COL27A1: variants seen among roughly 807,000 people sequenced by gnomAD.
COL27A1 encodes collagen alpha-1(XXVII) chain.
COL27A1 carries 106 observed loss-of-function variants against 251.3 expected under a neutral mutation model. The observed-to-expected ratio is 0.42, with a 90% CI of 0.36 to 0.50. The LOEUF is 0.50. Ranked by LOEUF, COL27A1 falls within the 20% of genes least tolerant of loss-of-function variation. COL27A1 has a pLI of 0.00. For synonymous variants in COL27A1, 1,000 were observed against 986.3 expected (o/e 1.01, Z -0.26); for missense variants, 2,325 against 2,522.8 (o/e 0.92, Z 1.68).
chr9:114,156,542 C>T (rs1848132887), intron 1 of COL27A1, among the ~76,000 whole-genome samples: 1 of 152,006 alleles, frequency 6.6e-6, no homozygotes, highest in African/African-American at 2.4e-5. Flanking sequence ...TGGAAATCTC[C>T]GCGTGTTTGT....
intron 1 of COL27A1, among the ~76,000 whole-genome samples, chr9:114,157,100 ACACAT>A (rs1848173577): frequency 1.5e-5 from 2 of 134,348 alleles, no homozygotes; most frequent in African/African-American, 2.7e-5. Context: ...ACACACACAC[ACACAT>A]ACGCGCGCGC....
At chr9:114,204,716 A>C (rs1161764741) in intron 7 of COL27A1, among the ~76,000 whole-genome samples, 1 of 152,066 alleles carries the variant, frequency 6.6e-6, no homozygotes, top group African/African-American at 2.4e-5. Flanking sequence ...CTCAAGTCCT[A>C]CTCAGTTTAC....
chr9:114,165,367 TCATC>T (rs985438047), intron 2 of COL27A1, among the ~76,000 whole-genome samples: 3 of 140,128 alleles, frequency 2.1e-5, no homozygotes, highest in Non-Finnish European at 3.1e-5. Flanking sequence ...ATCCATCCAT[TCATC>T]CATCCATCCA....
At chr9:114,286,021 G>T (rs2131605881) in intron 41 of COL27A1, among the ~76,000 whole-genome samples, 1 of 152,348 alleles carries the variant, frequency 6.6e-6, no homozygotes, top group East Asian at 1.9e-4. Flanking sequence ...ATGTTCATCA[G>T]CCAGATGCCT....
At chr9:114,254,828 C>T (rs1421008889) in intron 27 of COL27A1, among the ~76,000 whole-genome samples, 1 of 152,194 alleles carries the variant, frequency 6.6e-6, no homozygotes, top group Admixed American at 6.5e-5. Context: ...AGAAAGAGTT[C>T]CAGCTCTTAA....
intron 26 of COL27A1, 59 bp from the exon 27 acceptor site, chr9:114,252,819 TG>T: frequency 6.4e-7 from 1 of 1,557,358 alleles, no homozygotes; most frequent in Non-Finnish European, 8.9e-7. Context: ...CCGACCGAGG[TG>T]GGACTGAAGG....
At chr9:114,171,639 C>CT (rs1404700694) in intron 3 of COL27A1, among the ~76,000 whole-genome samples, 4 of 151,808 alleles carry the variant, frequency 2.6e-5, no homozygotes, top group Non-Finnish European at 5.9e-5. Context: ...AATTTTTTCA[C>CT]TTTTTTTGTA....
intron 5 of COL27A1, among the ~76,000 whole-genome samples, chr9:114,183,918 C>T (rs1183163573): frequency 6.6e-6 from 1 of 152,110 alleles, no homozygotes; most frequent in Non-Finnish European, 1.5e-5. Context: ...TCAGTCTGTT[C>T]CCGGAGCTCT....
At chr9:114,289,938 C>A in intron 45 of COL27A1, 120 bp from the exon 46 acceptor site, 2 of 1,145,176 alleles carry the variant, frequency 1.7e-6, no homozygotes, top group Non-Finnish European at 2.6e-6. Context: ...TGCTTGGGTA[C>A]ATCTGTGGCA....
chr9:114,165,281 C>T (rs1848751335), intron 2 of COL27A1, among the ~76,000 whole-genome samples: 1 of 152,174 alleles, frequency 6.6e-6, no homozygotes, highest in African/African-American at 2.4e-5. Context: ...GGGAACTGTC[C>T]TTCTATCCAT....
chr9:114,210,291 G>A (rs1299009643), intron 11 of COL27A1, among the ~76,000 whole-genome samples: 2 of 152,218 alleles, frequency 1.3e-5, no homozygotes, highest in African/African-American at 2.4e-5. Flanking sequence ...GACAGAGACC[G>A]TATGGCCCAC....
chr9:114,205,622 C>T lies in COL27A1; in HGVS notation c.2170-137C>T, dbSNP rs999619381. On this transcript the variant is annotated intron_variant, in intron 8 of 60. Transcript: ENST00000356083. ...TTCACAGAGGGGTGGGCTTGGGGGCCCTCCCCTTCCTCCTGTTCCATCTCA... is the reference window on the plus strand; with the variant it reads ...TTCACAGAGGGGTGGGCTTGGGGGCTCTCCCCTTCCTCCTGTTCCATCTCA... 81 of 800,594 alleles carry T rather than the reference C, an allele frequency of 1.0e-4. No individual in the cohort carries two copies. In the East Asian group the frequency reaches 1.9e-3, roughly 19 times the overall value. 49.6% of individuals were successfully genotyped at this position (800,594 alleles called of 1,614,324 possible).
chr9:114,244,017 C>T (rs1832947248), intron 23 of COL27A1, among the ~76,000 whole-genome samples: 1 of 151,410 alleles, frequency 6.6e-6, no homozygotes, highest in Non-Finnish European at 1.5e-5. Context: ...CCTCTGCCTC[C>T]CAGGTTCAAC....
chr9:114,266,424 C>T, intron 32 of COL27A1, 141 bp from the exon 33 acceptor site: 2 of 629,122 alleles, frequency 3.2e-6, no homozygotes. Flanking sequence ...ACACCAGGAC[C>T]CTCGGTGTGG....
rs1830953466 is a variant in COL27A1 at position 114,219,809 on chromosome 9, G to A, written c.2386G>A (p.Gly796Arg). 5 of 1,611,068 alleles carry A rather than the reference G, an allele frequency of 3.1e-6. No individual in the cohort carries two copies. The East Asian group carries it at 1.1e-4, about 36-fold the overall frequency. ...CCTCCAGGGGTTTCCTGGAGTCTTT[G>A]GGGAAAGAGGCCCTCCTGGACTGGA... ...MGMPGFPGVF[G>R]ERGPPGLDGN... is the part of the protein sequence containing the mutation. Residue 796 changes from glycine (G) to arginine (R), a missense_variant, in exon 13 of 61, where the codon GGG (glycine) becomes AGG (arginine). By Grantham distance (125) the Gly-to-Arg change is moderately radical (BLOSUM62 -2). This residue lies in a region of COL27A1 where 1,183 missense variants were observed against 1,144.1 expected (regional missense o/e 1.03). Coordinates refer to ENST00000356083, the MANE Select transcript of COL27A1 (RefSeq NM_032888.4).
intron 37 of COL27A1, among the ~76,000 whole-genome samples, 184 bp downstream of exon 37, chr9:114,275,952 C>T (rs977448251): frequency 2.6e-5 from 4 of 152,228 alleles, no homozygotes; most frequent in Non-Finnish European, 5.9e-5. Flanking sequence ...CTCTGGAGAA[C>T]AACCTCGGTT....
chr9:114,254,824 A>G (rs1161181597), intron 27 of COL27A1, among the ~76,000 whole-genome samples: 1 of 152,228 alleles, frequency 6.6e-6, no homozygotes, highest in Non-Finnish European at 1.5e-5. Flanking sequence ...GGTAAGAAAG[A>G]GTTCCAGCTC....
chr9:114,302,726 C>CAAAAAAAA (rs60188308), intron 56 of COL27A1, among the ~76,000 whole-genome samples: 1 of 139,200 alleles, frequency 7.2e-6, no homozygotes, highest in Admixed American at 7.1e-5. Context: ...ACAAAAAAAA[C>CAAAAAAAA]AAAAAAAAAA....
chr9:114,204,143 T>C (rs1272123542), intron 7 of COL27A1, among the ~76,000 whole-genome samples: 1 of 152,150 alleles, frequency 6.6e-6, no homozygotes, highest in Non-Finnish European at 1.5e-5. Context: ...TAAAACATCA[T>C]AGCTGAAGAG....
Sources: gnomAD v4.1 joint callset for allele counts (sites outside exome capture counted in the v4.1 genomes callset) on GRCh38, gnomAD v4.1.1 for gene constraint, gnomAD v4.1.1 regional missense constraint, MANE v1.5 for transcripts, NCBI Gene and HGNC (gene_info 2026-07-23, HGNC 2026-07-21) for gene names.